The following HDAC4 variants were observed in gnomAD, a reference collection of about 807,000 sequenced individuals.
The protein encoded by HDAC4 is histone deacetylase A.
HDAC4 carries 16 observed loss-of-function variants against 135.1 expected under a neutral mutation model. That is an observed-to-expected ratio of 0.12 (90% CI 0.08 to 0.18). The LOEUF is 0.18. Among genes scored for constraint, HDAC4 ranks in the 10% least tolerant of loss-of-function variants. The pLI, the probability that HDAC4 is intolerant of heterozygous loss-of-function variation, is 1.00. For synonymous variants in HDAC4, 685 were observed against 653.4 expected (o/e 1.05, Z -0.74); for missense variants, 1,143 against 1,511.8 (o/e 0.76, Z 4.05).
chr2:239,147,250 C>T (rs1232892152), intron 7 of HDAC4, among the ~76,000 whole-genome samples: 2 of 152,212 alleles, frequency 1.3e-5, no homozygotes, highest in South Asian at 4.1e-4. Context: ...CCGGGGGAGC[C>T]GCATACCACG....
chr2:239,204,971 C>T (rs79730594), intron 3 of HDAC4, among the ~76,000 whole-genome samples: 14,569 of 152,222 alleles, frequency 0.096, 1,026 homozygotes, highest in Non-Finnish European at 0.13. Flanking sequence ...CTCCCTACCC[C>T]ACCTGTCATC....
At position 239,115,323 on chromosome 2, in the gene HDAC4, G is replaced by C. The variant is rs750011651; in HGVS notation, c.1534-13C>G. 3 of 1,612,916 alleles carry C rather than the reference G, an allele frequency of 1.9e-6. No homozygotes were observed. Among genetic ancestry groups the C allele is most frequent in the Non-Finnish European group, 1.7e-6 (2 of 1,179,960 alleles). Reference sequence around the variant, plus strand: ...GCTTGGGGATGATCTGCAAGGCGGAGGTAACACATGAAGCACAGAGAGCTG... The same window carrying C: ...GCTTGGGGATGATCTGCAAGGCGGACGTAACACATGAAGCACAGAGAGCTG... On this transcript the variant is annotated splice_polypyrimidine_tract_variant and intron_variant, in intron 12 of 26. Coordinates refer to ENST00000543185, the MANE Select transcript of HDAC4 (RefSeq NM_001378414.1). The surrounding 1 kb of genome is among the most constrained non-coding windows in gnomAD (Gnocchi z 6.3).
chr2:239,387,061 G>A (rs1429362939), intron 1 of HDAC4, among the ~76,000 whole-genome samples: 1 of 151,988 alleles, frequency 6.6e-6, no homozygotes, highest in African/African-American at 2.4e-5. Context: ...ATGAGGGTGT[G>A]TGCGTGTCCG....
intron 11 of HDAC4, among the ~76,000 whole-genome samples, chr2:239,131,006 C>T (rs867585600): frequency 2.6e-5 from 4 of 152,252 alleles, no homozygotes; most frequent in Non-Finnish European, 5.9e-5. Context: ...CTCCCCGCCT[C>T]AGCTAGTTAT....
chr2:239,252,696 A>AG (rs2048850199), intron 2 of HDAC4, among the ~76,000 whole-genome samples: 1 of 152,234 alleles, frequency 6.6e-6, no homozygotes, highest in Non-Finnish European at 1.5e-5. Context: ...ACCAAACCAG[A>AG]GGGCAGTCAA....
chr2:239,070,121 C>T (rs920811123), intron 22 of HDAC4, among the ~76,000 whole-genome samples: 9 of 152,238 alleles, frequency 5.9e-5, no homozygotes, highest in Admixed American at 4.6e-4. Flanking sequence ...AAGACACGTG[C>T]AGTCACCCAC....
At chr2:239,054,577 C>T (rs1471886980) in intron 25 of HDAC4, among the ~76,000 whole-genome samples, 172 bp downstream of exon 25, 1 of 152,182 alleles carries the variant, frequency 6.6e-6, no homozygotes, top group Admixed American at 6.5e-5. Context: ...AAATGTGAGT[C>T]TCTACCAGCT....
intron 24 of HDAC4, among the ~76,000 whole-genome samples, chr2:239,062,604 A>T (rs1205971231): frequency 1.3e-5 from 2 of 152,278 alleles, no homozygotes; most frequent in African/African-American, 4.8e-5. Flanking sequence ...ATTTAAAATA[A>T]CTAGCCAGAA....
At chr2:239,196,212 T>C (rs1044126145) in intron 3 of HDAC4, among the ~76,000 whole-genome samples, 1 of 152,174 alleles carries the variant, frequency 6.6e-6, no homozygotes, top group Non-Finnish European at 1.5e-5. Flanking sequence ...CAGAAATGCA[T>C]GACTTAGCTA....
intron 4 of HDAC4, among the ~76,000 whole-genome samples, chr2:239,181,136 C>A (rs2044124508): frequency 6.6e-6 from 1 of 152,264 alleles, no homozygotes; most frequent in African/African-American, 2.4e-5. Flanking sequence ...CCTGCCGGCT[C>A]TCCTCACAGA....
intron 1 of HDAC4, among the ~76,000 whole-genome samples, chr2:239,373,827 C>A (rs1394258095): frequency 6.6e-6 from 1 of 152,212 alleles, no homozygotes. Context: ...TCAATTGCAT[C>A]TTTGTCCGCT....
intron 24 of HDAC4, among the ~76,000 whole-genome samples, chr2:239,059,185 C>A (rs546916182): frequency 6.6e-6 from 1 of 152,148 alleles, no homozygotes; most frequent in African/African-American, 2.4e-5. Flanking sequence ...ATGTGAGATG[C>A]GGCTGGATGC....
intron 14 of HDAC4, among the ~76,000 whole-genome samples, chr2:239,109,518 T>G (rs2038475184): frequency 6.6e-6 from 1 of 152,056 alleles, no homozygotes; most frequent in South Asian, 2.1e-4. Flanking sequence ...TGGCTCAGCC[T>G]CTTGTGAGTC....
At chr2:239,084,459 G>GCACA (rs1491342004) in intron 19 of HDAC4, among the ~76,000 whole-genome samples, 6 of 73,180 alleles carry the variant, frequency 8.2e-5, no homozygotes, top group African/African-American at 2.5e-4. Context: ...TCACACGCGT[G>GCACA]CGCGCGCACA....
chr2:239,223,361 G>A (rs920192023), intron 3 of HDAC4, among the ~76,000 whole-genome samples: 4 of 152,216 alleles, frequency 2.6e-5, no homozygotes, highest in Admixed American at 2.0e-4. Flanking sequence ...CGTACATTCC[G>A]CCGGGGCTTT....
chr2:239,086,433 G>A (rs1030800308), intron 19 of HDAC4, among the ~76,000 whole-genome samples: 2 of 151,156 alleles, frequency 1.3e-5, no homozygotes, highest in Non-Finnish European at 1.5e-5. Flanking sequence ...CGTACATGAA[G>A]GAGAATCTGC....
intron 7 of HDAC4, among the ~76,000 whole-genome samples, chr2:239,145,215 C>T (rs2041673817): frequency 6.6e-6 from 1 of 152,226 alleles, no homozygotes; most frequent in Non-Finnish European, 1.5e-5. Flanking sequence ...ACGTTGCACA[C>T]TTTCTTGCTC....
chr2:239,199,618 G>A (rs936055648), intron 3 of HDAC4, among the ~76,000 whole-genome samples: 1 of 152,182 alleles, frequency 6.6e-6, no homozygotes, highest in Admixed American at 6.5e-5. Context: ...TCACAGTCCT[G>A]TCCTTGACGA....
intron 4 of HDAC4, among the ~76,000 whole-genome samples, chr2:239,184,562 T>C (rs2044388362): frequency 7.5e-6 from 1 of 133,160 alleles, no homozygotes; most frequent in Non-Finnish European, 1.6e-5. Context: ...CCTCAGTGTC[T>C]GTCCTGGAGG....
Sources: gnomAD v4.1 joint callset for allele counts (sites outside exome capture counted in the v4.1 genomes callset) on GRCh38, gnomAD v4.1.1 for gene constraint, Gnocchi (gnomAD v3.1) non-coding constraint, MANE v1.5 for transcripts, NCBI Gene and HGNC (gene_info 2026-07-23, HGNC 2026-07-21) for gene names.